Variants in ZHX1 observed in about 807,000 individuals in gnomAD.
ZHX1 encodes the protein zinc fingers and homeoboxes 1, also known as zinc fingers and homeoboxes protein 1.
Under a neutral mutation model 61.8 loss-of-function variants are expected in ZHX1, and 20 were observed. The ratio of observed to expected loss-of-function variants is 0.32; its 90% confidence interval spans 0.23 to 0.47. The LOEUF is 0.47. Among genes scored for constraint, ZHX1 ranks in the 20% least tolerant of loss-of-function variants. ZHX1 has a pLI of 1.00. For synonymous variants in ZHX1, 318 were observed against 352.6 expected, an observed-to-expected ratio of 0.90 and a Z score of 1.10; for missense variants, 800 against 1,034.8, an observed-to-expected ratio of 0.77 and a Z score of 3.11.
Position 123,255,486 on chromosome 8 carries a change from T to A in ZHX1, c.461A>T (p.Asp154Val). 6.2e-7 allele frequency: 1 copy of A among 1,613,578 alleles called. No individual in the cohort carries two copies. Among genetic ancestry groups the A allele is most frequent in the Non-Finnish European group, 8.5e-7 (1 of 1,180,020 alleles). ...ATTCTCCTCTTTAACAAAACTACCA[T>A]CAAAAGTCAGATCATTTATTGTTTG... ...FEQTINDLTFDGSFVKEENAE... is the reference protein window; with the variant it reads ...FEQTINDLTFVGSFVKEENAE... The change falls in exon 3 of 4, where the codon GAT becomes GTT. Residue 154 changes from aspartate (D) to valine (V), a missense_variant. By Grantham distance (152) the Asp-to-Val change is radical. Transcript: ENST00000395571.
chr8:123,253,620 A>G lies in ZHX1; in HGVS notation c.2327T>C (p.Ile776Thr), dbSNP rs1825978456. The G allele has an allele frequency of 1.2e-6, 2 of 1,614,182 alleles. No individual in the cohort carries two copies. The highest frequency in any genetic ancestry group is 1.7e-6 in the Non-Finnish European group (2 of 1,180,024). The change falls in exon 3 of 4, where the codon ATA (isoleucine) becomes ACA (threonine). Residue 776 changes from isoleucine (I) to threonine (T), a missense_variant. Ile to Thr is a moderately conservative substitution (Grantham distance 89). Transcript: ENST00000395571. ...TATTGCAGTTCCAGTTTTAAATTTT[A>G]TGAGTGATGGTCCCCTGTCCCAGTT... ...INNWDRGPSL[I>T]KFKTGTAILK...
chr8:123,254,037 G>C lies in ZHX1; in HGVS notation c.1910C>G (p.Ala637Gly). The C allele has an allele frequency of 6.2e-7, 1 of 1,613,976 alleles. No homozygotes were observed. The highest frequency in any genetic ancestry group is 8.5e-7 in the Non-Finnish European group (1 of 1,180,010). Reference protein sequence around the residue: ...EEKMEIDESNAGSSKEEAGET... With the variant: ...EEKMEIDESNGGSSKEEAGET... ...TCCAGCTTCTTCTTTGGAACTACCT[G>C]CATTACTTTCATCTATTTCCATTTT... Residue 637 changes from alanine (A) to glycine (G), a missense_variant, in exon 3 of 4, where the codon GCA (alanine) becomes GGA (glycine). By Grantham distance (60) the Ala-to-Gly change is moderately conservative (BLOSUM62 0). Transcript: ENST00000395571. This position sits in a 1 kb window ranked among gnomAD's most constrained non-coding sequence, Gnocchi z 4.1.
rs541744753 is a variant in ZHX1 at position 123,260,535 on chromosome 8, T to C, written c.-225-4364A>G. ...ATCACTTGAACTCGGGAGGTGGAGG[T>C]TGCAGTGAGCCGAGATCAAACCACT... On this transcript the variant is annotated intron_variant, in intron 2 of 3. Transcript: ENST00000395571. 4.2e-3 allele frequency among the ~76,000 whole-genome samples: 612 copies of C among 147,246 alleles called. 2 individuals are homozygous for C. The highest frequency in any genetic ancestry group is 0.015 in the African/African-American group (580 of 39,896).
In ZHX1 at chr8:123,253,413, T is replaced by C. The variant is rs763855358; in HGVS notation, c.2534A>G (p.Gln845Arg). 3.1e-6 allele frequency: 5 copies of C among 1,613,974 alleles called. No homozygotes were observed. The East Asian group carries it at 1.1e-4, about 36-fold the overall frequency. The part of the protein sequence containing the change: ...NEEEDEVIDD[Q>R]EEDEEETDDS... ...ATCTGTTTCTTCTTCATCCTCTTCC[T>C]GGTCATCAATAACTTCATCTTCCTC... Residue 845 changes from glutamine (Q) to arginine (R), a missense_variant, in exon 3 of 4, where the codon CAG becomes CGG. Physicochemically the swap from Gln to Arg is conservative, Grantham distance 43. Transcript: ENST00000395571.
chr8:123,250,166 C>T lies in ZHX1; in HGVS notation c.*158G>A, dbSNP rs979431329. The T allele has an allele frequency of 2.3e-6, 1 of 433,468 alleles. No individual in the cohort carries two copies. The highest frequency in any genetic ancestry group is 4.6e-6 in the Non-Finnish European group (1 of 217,322). The allele number at this position is 433,468 out of a possible 1,614,324, so 26.9% of individuals were successfully genotyped here. ...ACCAACTGCAGTAGTTTAACTTTGG[C>T]ACAACATTAAGTTCCATTTCTTTTG... On this transcript the variant is annotated 3_prime_UTR_variant, in exon 4 of 4. Transcript: ENST00000395571.
At chr8:123,271,040 T>A (rs898568173) in intron 1 of ZHX1, among the ~76,000 whole-genome samples, 14 of 152,124 alleles carry the variant, frequency 9.2e-5, no homozygotes, top group Admixed American at 9.2e-4. Context: ...AAAATGCAGA[T>A]CTCCAAAATG....
intron 2 of ZHX1, among the ~76,000 whole-genome samples, chr8:123,264,479 T>A (rs1478416511): frequency 2.0e-5 from 3 of 152,210 alleles, no homozygotes; most frequent in Non-Finnish European, 4.4e-5. Flanking sequence ...GGACTTCAAA[T>A]TAAATGATTA....
At chr8:123,266,279 C>T (rs539549688) in intron 2 of ZHX1, among the ~76,000 whole-genome samples, 34 of 152,290 alleles carry the variant, frequency 2.2e-4, no homozygotes, top group Non-Finnish European at 3.8e-4. Flanking sequence ...GAATGCTATT[C>T]TCAGTTCCAA....
At chr8:123,265,163 T>C (rs1826416691) in intron 2 of ZHX1, among the ~76,000 whole-genome samples, 2 of 147,044 alleles carry the variant, frequency 1.4e-5, no homozygotes, top group Non-Finnish European at 3.0e-5. Context: ...CACTCCAGCC[T>C]GGATGATAAG....
At chr8:123,273,401 T>C (rs997047680) in intron 1 of ZHX1, among the ~76,000 whole-genome samples, 4 of 152,234 alleles carry the variant, frequency 2.6e-5, no homozygotes, top group African/African-American at 9.6e-5. Context: ...GATTGTTCAC[T>C]GTGGGCCCTA....
At chr8:123,273,004 T>C (rs527581362) in intron 1 of ZHX1, among the ~76,000 whole-genome samples, 2 of 151,904 alleles carry the variant, frequency 1.3e-5, no homozygotes, top group South Asian at 4.2e-4. Context: ...CTGGGCTGAG[T>C]TGACAGAAAA....
chr8:123,250,136 C>G lies in ZHX1; in HGVS notation c.*188G>C. On this transcript the variant is annotated 3_prime_UTR_variant, in exon 4 of 4. Transcript: ENST00000395571. ...TTAGTGTTCTATTTACATTGCAGAA[C>G]TTCCACCAACTGCAGTAGTTTAACT... 2.5e-6 allele frequency: 1 copy of G among 406,024 alleles called. No homozygotes were observed. Among genetic ancestry groups the G allele is most frequent in the Non-Finnish European group, 4.9e-6 (1 of 204,574 alleles). 25.2% of individuals were successfully genotyped at this position (406,024 alleles called of 1,614,324 possible). A position where few individuals can be genotyped will look rare whatever the true frequency, so the allele number is the denominator to read the frequency against.
At position 123,267,320 on chromosome 8, in the gene ZHX1, C is replaced by A. The variant is rs188841471; in HGVS notation, c.-273G>T. ...CTGTTCTTTGAAATGGAAGGGTATC[C>A]CTTCTAGTTAGATGTTTAGCTCAGG... On this transcript the variant is annotated 5_prime_UTR_variant, in exon 2 of 4. Transcript: ENST00000395571. 2.4e-4 allele frequency: 363 copies of A among 1,525,758 alleles called. 1 individual carries two copies. Among genetic ancestry groups the A allele is most frequent in the Admixed American group, 3.1e-4 (16 of 50,804 alleles). 94.5% of individuals were successfully genotyped at this position (1,525,758 alleles called of 1,614,324 possible).
chr8:123,261,157 C>T (rs947882645), intron 2 of ZHX1, among the ~76,000 whole-genome samples: 1 of 152,060 alleles, frequency 6.6e-6, no homozygotes, highest in Admixed American at 6.5e-5. Flanking sequence ...AAGATTTGGT[C>T]CAAAAGCTCA....
intron 2 of ZHX1, among the ~76,000 whole-genome samples, chr8:123,261,389 A>G (rs1214397056): frequency 1.3e-5 from 2 of 152,184 alleles, no homozygotes; most frequent in African/African-American, 2.4e-5. Context: ...TCTGTCAATT[A>G]GTAGTTAGGT....
In ZHX1 at chr8:123,250,130, G is replaced by A. The variant is rs1262903136; in HGVS notation, c.*194C>T. The A allele has an allele frequency of 5.0e-6, 2 of 403,304 alleles. No homozygotes were observed. The highest frequency in any genetic ancestry group is 9.8e-6 in the Non-Finnish European group (2 of 203,120). The allele number at this position is 403,304 out of a possible 1,614,324, so 25.0% of individuals were successfully genotyped here. On this transcript the variant is annotated 3_prime_UTR_variant, in exon 4 of 4. Transcript: ENST00000395571. ...TTTTAATTAGTGTTCTATTTACATT[G>A]CAGAACTTCCACCAACTGCAGTAGT...
intron 2 of ZHX1, among the ~76,000 whole-genome samples, chr8:123,261,438 A>C (rs1826262532): frequency 7.0e-6 from 1 of 142,832 alleles, no homozygotes; most frequent in Non-Finnish European, 1.5e-5. Flanking sequence ...AATTTTCTCA[A>C]GATTCTTCAA....
intron 3 of ZHX1, 192 bp downstream of exon 3, chr8:123,253,130 C>A (rs1393799668): frequency 1.0e-5 from 5 of 484,182 alleles, no homozygotes; most frequent in South Asian, 4.8e-5. Context: ...TTAAACTCTA[C>A]ATAATAATAA....
At chr8:123,266,445 A>T (rs557343913) in intron 2 of ZHX1, among the ~76,000 whole-genome samples, 1 of 152,320 alleles carries the variant, frequency 6.6e-6, no homozygotes, top group South Asian at 2.1e-4. Context: ...TGGTAATATC[A>T]ACTTATAAGA....
Sources: gnomAD v4.1 joint callset for allele counts (sites outside exome capture counted in the v4.1 genomes callset) on GRCh38, gnomAD v4.1.1 for gene constraint, Gnocchi (gnomAD v3.1) non-coding constraint, MANE v1.5 for transcripts, NCBI Gene and HGNC (gene_info 2026-07-23, HGNC 2026-07-21) for gene names.